Variants in KCNIP1 observed in about 807,000 individuals in gnomAD.
KCNIP1 encodes A-type potassium channel modulatory protein KCNIP1.
In KCNIP1, 18 loss-of-function variants were observed where a neutral mutation model predicts 33.0. The observed-to-expected ratio is 0.55, with a 90% confidence interval of 0.38 to 0.81. KCNIP1 has a LOEUF of 0.81. Ranked by LOEUF, KCNIP1 falls within the 30% of genes least tolerant of loss-of-function variation. The pLI, the probability that KCNIP1 is intolerant of heterozygous loss-of-function variation, is 0.00. For synonymous variants in KCNIP1, 93 were observed against 98.3 expected (o/e 0.95, Z 0.32); for missense variants, 238 against 271.6 (o/e 0.88, Z 0.87).
intron 1 of KCNIP1, among the ~76,000 whole-genome samples, chr5:170,556,341 G>C (rs1270262838): frequency 2.1e-4 from 32 of 152,242 alleles, no homozygotes; most frequent in Non-Finnish European, 1.5e-4. Flanking sequence ...GGAGCTGCAA[G>C]AAATGATTTG....
At chr5:170,629,422 G>A (rs554129553) in intron 1 of KCNIP1, among the ~76,000 whole-genome samples, 2 of 152,312 alleles carry the variant, frequency 1.3e-5, no homozygotes, top group African/African-American at 2.4e-5. Context: ...GAGGGGTCCC[G>A]GACAGCCAAG....
intron 1 of KCNIP1, among the ~76,000 whole-genome samples, chr5:170,591,658 A>G (rs748992517): frequency 1.3e-5 from 2 of 152,056 alleles, no homozygotes; most frequent in African/African-American, 4.8e-5. Flanking sequence ...TATCTCTACA[A>G]ATTTGACTAC....
chr5:170,364,296 G>T (rs1233014547), intron 1 of KCNIP1, among the ~76,000 whole-genome samples: 1 of 152,118 alleles, frequency 6.6e-6, no homozygotes, highest in Non-Finnish European at 1.5e-5. Context: ...TGCCATACCT[G>T]GCCCTCACTT....
chr5:170,493,181 C>G (rs910934859), intron 1 of KCNIP1, among the ~76,000 whole-genome samples: 1 of 152,116 alleles, frequency 6.6e-6, no homozygotes, highest in Admixed American at 6.6e-5. Flanking sequence ...GTATCTGTAT[C>G]CCCCACCAAA....
intron 1 of KCNIP1, among the ~76,000 whole-genome samples, chr5:170,653,497 A>G (rs890458660): frequency 6.6e-6 from 1 of 152,064 alleles, no homozygotes; most frequent in Admixed American, 6.5e-5. Flanking sequence ...TCTCTGCCCA[A>G]TCCAGCCTCA....
intron 1 of KCNIP1, among the ~76,000 whole-genome samples, chr5:170,454,275 G>A (rs905740211): frequency 9.9e-5 from 15 of 152,284 alleles, no homozygotes; most frequent in Non-Finnish European, 1.6e-4. Flanking sequence ...TGGTTGACTC[G>A]AAGAAGTGAG....
At chr5:170,578,461 T>C (rs1757678255) in intron 1 of KCNIP1, among the ~76,000 whole-genome samples, 1 of 151,792 alleles carries the variant, frequency 6.6e-6, no homozygotes, top group Non-Finnish European at 1.5e-5. Context: ...AACAGGCCTA[T>C]GGCCCTTGTG....
chr5:170,467,960 T>C (rs1280991805), intron 1 of KCNIP1, among the ~76,000 whole-genome samples: 1 of 148,790 alleles, frequency 6.7e-6, no homozygotes, highest in African/African-American at 2.5e-5. Context: ...TATAGAAGTA[T>C]GGAATAGAAC....
At chr5:170,521,264 A>G (rs11738868) in intron 1 of KCNIP1, among the ~76,000 whole-genome samples, 40,195 of 152,054 alleles carry the variant, frequency 0.26, 5,512 homozygotes, top group East Asian at 0.45. Flanking sequence ...TTCTTAACAC[A>G]ATGCTTCAAG....
At chr5:170,359,988 G>A (rs930471101) in intron 1 of KCNIP1, among the ~76,000 whole-genome samples, 2 of 152,220 alleles carry the variant, frequency 1.3e-5, no homozygotes, top group African/African-American at 2.4e-5. Context: ...AGGACCACAG[G>A]GGAGCGGCTA....
At chr5:170,363,004 A>C (rs1343357148) in intron 1 of KCNIP1, among the ~76,000 whole-genome samples, 1 of 152,242 alleles carries the variant, frequency 6.6e-6, no homozygotes, top group Non-Finnish European at 1.5e-5. Flanking sequence ...AAGTTCAGAA[A>C]CAGTGGCTGT....
At chr5:170,494,347 CAAG>C (rs1256534378) in intron 1 of KCNIP1, among the ~76,000 whole-genome samples, 8 of 152,174 alleles carry the variant, frequency 5.3e-5, no homozygotes, top group Non-Finnish European at 1.2e-4. Context: ...CAGCCCAATG[CAAG>C]AAGGAGCAAC....
chr5:170,570,257 A>T (rs1757356674), intron 1 of KCNIP1, among the ~76,000 whole-genome samples: 1 of 152,220 alleles, frequency 6.6e-6, no homozygotes, highest in Non-Finnish European at 1.5e-5. Flanking sequence ...CATATCTTGG[A>T]TACCTGATCA....
In KCNIP1 at chr5:170,446,439, G is replaced by A. The variant is rs115742852; in HGVS notation, c.88+92475G>A. ...CAAAAAAAAAAAAAATCACAGTGCT[G>A]GGTACAGCTCCTGACACTCCACCTC... On this transcript the variant is annotated intron_variant, in intron 1 of 7. Coordinates refer to the KCNIP1 transcript ENST00000377360. 6.2e-3 allele frequency among the ~76,000 whole-genome samples: 937 copies of A among 151,994 alleles called. 13 individuals carry two copies. Among genetic ancestry groups the A allele is most frequent in the African/African-American group, 0.021 (861 of 41,450 alleles).
chr5:170,612,431 C>T (rs1363889492), intron 1 of KCNIP1, among the ~76,000 whole-genome samples: 1 of 152,226 alleles, frequency 6.6e-6, no homozygotes, highest in Non-Finnish European at 1.5e-5. Context: ...TGGCGGCTCC[C>T]TTTCGGAGAC....
At chr5:170,578,606 T>C (rs893316904) in intron 1 of KCNIP1, among the ~76,000 whole-genome samples, 7 of 152,174 alleles carry the variant, frequency 4.6e-5, no homozygotes, top group African/African-American at 1.7e-4. Flanking sequence ...GAATGTGGCA[T>C]TGGGAAAAGT....
chr5:170,580,547 T>C (rs1757751867), intron 1 of KCNIP1, among the ~76,000 whole-genome samples: 1 of 152,186 alleles, frequency 6.6e-6, no homozygotes, highest in Non-Finnish European at 1.5e-5. Context: ...CGCCTCATGC[T>C]GCACTGAGCA....
chr5:170,471,769 G>A (rs900585717), intron 1 of KCNIP1, among the ~76,000 whole-genome samples: 1 of 152,012 alleles, frequency 6.6e-6, no homozygotes, highest in Non-Finnish European at 1.5e-5. Flanking sequence ...TCCTCCTTTA[G>A]ATCCTCTTTC....
chr5:170,418,728 C>A (rs1245827379), intron 1 of KCNIP1, among the ~76,000 whole-genome samples: 1 of 152,166 alleles, frequency 6.6e-6, no homozygotes, highest in East Asian at 1.9e-4. Context: ...ATTGTACCTA[C>A]AAAAAGCCCG....
Sources: allele counts gnomAD v4.1 joint callset (sites outside exome capture counted in the v4.1 genomes callset), GRCh38; gene constraint gnomAD v4.1.1; transcripts MANE v1.5; gene names NCBI Gene and HGNC (gene_info 2026-07-23, HGNC 2026-07-21).